The following SDK1 variants were observed in gnomAD, a reference collection of about 807,000 sequenced individuals.
The protein encoded by SDK1 is sidekick cell adhesion molecule 1.
Under a neutral mutation model 245.5 loss-of-function variants are expected in SDK1, and 157 were observed. The observed-to-expected ratio is 0.64, with a 90% CI of 0.56 to 0.73. The LOEUF is 0.73. SDK1 is among the 30% of genes least tolerant of loss of function. The probability of loss-of-function intolerance (pLI) is 0.00; values close to 1 mark genes in which losing one functional copy is unlikely to be tolerated. For synonymous variants in SDK1, 1,647 were observed against 1,278.5 expected (o/e 1.29, Z -6.15); for missense variants, 3,583 against 3,002.3 (o/e 1.19, Z -4.52).
chr7:3,669,993 C>A lies in SDK1; in HGVS notation c.713+27888C>A, dbSNP rs558116854. Among the ~76,000 whole-genome samples the A allele has an allele frequency of 1.9e-3, 286 of 152,330 alleles. 4 individuals are homozygous for A. Among genetic ancestry groups the A allele is most frequent in the African/African-American group, 6.8e-3 (282 of 41,564 alleles). On this transcript the variant is annotated intron_variant, in intron 4 of 44. Transcript: ENST00000404826. ...CCTTGATACTTCTTTTTCTCTTCCACCACATCCAGTCAATCACCAGTTTCT... is the reference window on the plus strand; with the variant it reads ...CCTTGATACTTCTTTTTCTCTTCCAACACATCCAGTCAATCACCAGTTTCT...
rs367775582 is a variant in SDK1 at position 3,691,118 on chromosome 7, T to C, written c.713+49013T>C. Among the ~76,000 whole-genome samples, 22 of 152,352 alleles carry C rather than the reference T, an allele frequency of 1.4e-4. No homozygotes were observed. The East Asian group carries it at 1.9e-3, about 13-fold the overall frequency. ...ATTTGACAGGAAGCTTACCAATTTA[T>C]TGTAGATAATTACACCAATGTTTCA... On this transcript the variant is annotated intron_variant, in intron 4 of 44. Transcript: ENST00000404826.
At chr7:3,694,409 G>A (rs1164370959) in intron 4 of SDK1, among the ~76,000 whole-genome samples, 3 of 152,302 alleles carry the variant, frequency 2.0e-5, no homozygotes, top group Admixed American at 6.5e-5. Context: ...TTGAATCAGA[G>A]GGTGGCCACG....
chr7:3,346,827 A>ATTTTT (rs1163275778), intron 1 of SDK1, among the ~76,000 whole-genome samples: 24 of 16,380 alleles, frequency 1.5e-3, no homozygotes, highest in African/African-American at 3.9e-3. Flanking sequence ...ATATATATAT[A>ATTTTT]TTTTTTTTTT....
At chr7:3,306,105 G>C (rs1461387253) in intron 1 of SDK1, among the ~76,000 whole-genome samples, 1 of 152,146 alleles carries the variant, frequency 6.6e-6, no homozygotes, top group Non-Finnish European at 1.5e-5. Context: ...GCAGCAATCA[G>C]ATCTGTACCA....
At chr7:4,110,101 G>T (rs778069201) in intron 22 of SDK1, among the ~76,000 whole-genome samples, 2 of 152,162 alleles carry the variant, frequency 1.3e-5, no homozygotes, top group South Asian at 2.1e-4. Flanking sequence ...TGGGCCTGCC[G>T]ATCTGGCTTC....
Position 3,909,178 on chromosome 7 carries a change from C to T in SDK1, c.848-41745C>T, listed in dbSNP as rs151263440. On this transcript the variant is annotated intron_variant, in intron 5 of 44. Transcript: ENST00000404826. Reference sequence around the variant, plus strand: ...GGGTCCAAGGCAGACCATCTTCAGACGCAGTGAGACCCTCATCCTCTACTC... The same window carrying T: ...GGGTCCAAGGCAGACCATCTTCAGATGCAGTGAGACCCTCATCCTCTACTC... Among the ~76,000 whole-genome samples, 565 of 152,298 alleles carry T rather than the reference C, an allele frequency of 3.7e-3. 7 individuals are homozygous for T. Among genetic ancestry groups the T allele is most frequent in the African/African-American group, 0.013 (547 of 41,568 alleles).
chr7:3,746,684 G>A (rs1779631826), intron 4 of SDK1, among the ~76,000 whole-genome samples: 1 of 152,162 alleles, frequency 6.6e-6, no homozygotes, highest in Non-Finnish European at 1.5e-5. Context: ...ATTGGTTACA[G>A]TTTATTATGA....
At chr7:3,370,028 A>G (rs1447113987) in intron 1 of SDK1, among the ~76,000 whole-genome samples, 2 of 152,220 alleles carry the variant, frequency 1.3e-5, no homozygotes, top group African/African-American at 2.4e-5. Context: ...AAAATGTATC[A>G]TTACTGTTAT....
At chr7:3,505,307 C>A (rs1782359157) in intron 1 of SDK1, among the ~76,000 whole-genome samples, 1 of 152,100 alleles carries the variant, frequency 6.6e-6, no homozygotes, top group Non-Finnish European at 1.5e-5. Flanking sequence ...AGTGCAGTTG[C>A]ATGATGAGAG....
At chr7:3,502,462 C>T (rs910212957) in intron 1 of SDK1, among the ~76,000 whole-genome samples, 1 of 152,114 alleles carries the variant, frequency 6.6e-6, no homozygotes, top group Non-Finnish European at 1.5e-5. Context: ...GTTGGCCAGG[C>T]TGATCTTGAA....
At chr7:3,744,200 C>T (rs1296593727) in intron 4 of SDK1, among the ~76,000 whole-genome samples, 1 of 152,062 alleles carries the variant, frequency 6.6e-6, no homozygotes, top group East Asian at 1.9e-4. Context: ...CAAATGCCAT[C>T]TCCCAAGAAA....
intron 5 of SDK1, among the ~76,000 whole-genome samples, chr7:3,830,314 A>G (rs1779882029): frequency 6.6e-6 from 1 of 152,192 alleles, no homozygotes; most frequent in Non-Finnish European, 1.5e-5. Flanking sequence ...TGATTTGCCT[A>G]ATCGGATTTT....
chr7:3,526,012 A>G (rs1351259999), intron 1 of SDK1, among the ~76,000 whole-genome samples: 1 of 152,064 alleles, frequency 6.6e-6, no homozygotes, highest in African/African-American at 2.4e-5. Context: ...GGCAGGTGGA[A>G]TCACCTGAGG....
At chr7:3,776,604 C>T (rs1204206501) in intron 4 of SDK1, among the ~76,000 whole-genome samples, 1 of 152,172 alleles carries the variant, frequency 6.6e-6, no homozygotes, top group South Asian at 2.1e-4. Flanking sequence ...ATGCAGAAAA[C>T]ATGGAGGTTA....
At chr7:4,077,241 C>G (rs771076757) in intron 21 of SDK1, 52 bp downstream of exon 21, 2 of 1,552,266 alleles carry the variant, frequency 1.3e-6, no homozygotes, top group Non-Finnish European at 1.8e-6. Flanking sequence ...CTTGGAGATT[C>G]CCGAGGCTAG....
At chr7:3,534,131 T>C (rs1328951190) in intron 1 of SDK1, among the ~76,000 whole-genome samples, 1 of 152,360 alleles carries the variant, frequency 6.6e-6, no homozygotes, top group Admixed American at 6.5e-5. Flanking sequence ...AGGAAGCTCA[T>C]TGAAGTGAAA....
At chr7:3,418,302 G>A (rs973460577) in intron 1 of SDK1, among the ~76,000 whole-genome samples, 1 of 152,106 alleles carries the variant, frequency 6.6e-6, no homozygotes, top group Non-Finnish European at 1.5e-5. Flanking sequence ...GGGCGACAGA[G>A]CGAGACTCCA....
At chr7:3,742,798 C>G (rs1779513775) in intron 4 of SDK1, among the ~76,000 whole-genome samples, 1 of 152,132 alleles carries the variant, frequency 6.6e-6, no homozygotes, top group African/African-American at 2.4e-5. Context: ...AAAGTTTTTC[C>G]TTTCCTACAA....
In SDK1 at chr7:4,245,634, C is replaced by G. The variant is rs373244781; in HGVS notation, c.6252-42C>G. Reference sequence around the variant, plus strand: ...TTAGGAGTCCTCCGGGGAAGGGCGTCTTTTGCCCAGAGGGTAATTGCAGCA... The same window carrying G: ...TTAGGAGTCCTCCGGGGAAGGGCGTGTTTTGCCCAGAGGGTAATTGCAGCA... On this transcript the variant is annotated intron_variant, in intron 43 of 44. Transcript: ENST00000404826. The G allele has an allele frequency of 6.2e-6, 10 of 1,602,984 alleles. No individual in the cohort carries two copies. The South Asian group carries it at 8.8e-5, about 14-fold the overall frequency.
Sources: gnomAD v4.1 joint callset for allele counts (sites outside exome capture counted in the v4.1 genomes callset) on GRCh38, gnomAD v4.1.1 for gene constraint, MANE v1.5 for transcripts, NCBI Gene and HGNC (gene_info 2026-07-23, HGNC 2026-07-21) for gene names.